The following MYH4 variants were observed in gnomAD, a reference collection of about 807,000 sequenced individuals.
The protein encoded by MYH4 is myosin-4.
A neutral mutation model predicts 229.9 loss-of-function variants in MYH4; 200 were observed. That is an observed-to-expected ratio of 0.87 (90% CI 0.78 to 0.98). The LOEUF (loss-of-function observed/expected upper bound fraction) is 0.98. MYH4 is among the 50% of genes least tolerant of loss of function. MYH4 has a pLI of 0.00. For missense variants in MYH4, 2,148 were observed against 2,332.6 expected (o/e 0.92, Z 1.63); for synonymous variants, 761 against 834.6 (o/e 0.91, Z 1.52).
chr17:10,456,384 T>C (rs949928263), intron 17 of MYH4, 101 bp downstream of exon 17: 10 of 966,586 alleles, frequency 1.0e-5, no homozygotes, highest in Non-Finnish European at 1.6e-5. Context: ...ACTGTACTAC[T>C]TTATTCACTT....
chr17:10,466,159 A>G, intron 4 of MYH4, 114 bp downstream of exon 4: 1 of 1,217,118 alleles, frequency 8.2e-7, no homozygotes, highest in South Asian at 1.5e-5. Flanking sequence ...TAACCAAACA[A>G]TTGGTCATAA....
chr17:10,452,670 G>T lies in MYH4; in HGVS notation c.3257+117C>A, dbSNP rs1597417916. 7 of 1,330,438 alleles carry T rather than the reference G, an allele frequency of 5.3e-6. No individual in the cohort carries two copies. In the East Asian group the frequency reaches 1.2e-4, roughly 22 times the overall value. The allele number at this position is 1,330,438 out of a possible 1,614,324, so 82.4% of individuals were successfully genotyped here. A position where few individuals can be genotyped will look rare whatever the true frequency, so the allele number is the denominator to read the frequency against. On this transcript the variant is annotated intron_variant, in intron 25 of 39. Coordinates refer to ENST00000255381, the MANE Select transcript of MYH4 (RefSeq NM_017533.2). ...AGTTTAATTAAATAAAAAGGTCAAAGATGTCATTATTTTTTTCCATATGTC... is the reference window on the plus strand; with the variant it reads ...AGTTTAATTAAATAAAAAGGTCAAATATGTCATTATTTTTTTCCATATGTC...
intron 11 of MYH4, among the ~76,000 whole-genome samples, chr17:10,462,201 T>C (rs2072710612): frequency 6.6e-6 from 1 of 152,166 alleles, no homozygotes; most frequent in Admixed American, 6.5e-5. Flanking sequence ...TAAGGAAGAT[T>C]ATTCAGAAAT....
At chr17:10,457,772 A>C in intron 15 of MYH4, 43 bp from the exon 16 acceptor site, 1 of 1,577,572 alleles carries the variant, frequency 6.3e-7, no homozygotes, top group Non-Finnish European at 8.6e-7. Context: ...AGTCCCTCAG[A>C]AAGTTATGCT....
chr17:10,465,327 T>G, intron 5 of MYH4, 115 bp downstream of exon 5: 2 of 1,303,258 alleles, frequency 1.5e-6, no homozygotes, highest in Admixed American at 4.3e-5. Context: ...TTTTATTATT[T>G]CTGTTATCAT....
At chr17:10,463,308 A>T in intron 9 of MYH4, 30 bp downstream of exon 9, 1 of 1,580,632 alleles carries the variant, frequency 6.3e-7, no homozygotes, top group Non-Finnish European at 8.6e-7. Context: ...AAAGAAAAAG[A>T]TTCTCAATCA....
intron 14 of MYH4, 117 bp from the exon 15 acceptor site, chr17:10,459,538 A>G: frequency 6.6e-7 from 1 of 1,526,366 alleles, no homozygotes; most frequent in South Asian, 1.2e-5. Flanking sequence ...ATAAACCTTC[A>G]GATTGTTTTC....
chr17:10,467,205 A>G (rs1259348520), intron 2 of MYH4, among the ~76,000 whole-genome samples: 1 of 152,236 alleles, frequency 6.6e-6, no homozygotes, highest in Non-Finnish European at 1.5e-5. Context: ...TTTACAATAT[A>G]AATGAACCTG....
Position 10,459,304 on chromosome 17 carries a change from C to T in MYH4, c.1534G>A (p.Glu512Lys), listed in dbSNP as rs765846094. ...EEYKKEGIEW[E>K]FIDFGMDLAA... ...AGGTCCATCCCGAAGTCAATGAACTCCCACTCGATGCCTTCCTTCTTGTAC... is the reference window on the plus strand; with the variant it reads ...AGGTCCATCCCGAAGTCAATGAACTTCCACTCGATGCCTTCCTTCTTGTAC... The change falls in exon 15 of 40, where the codon GAG (glutamate) becomes AAG (lysine). Residue 512 changes from glutamate (E) to lysine (K), a missense_variant. Glu to Lys is a moderately conservative substitution (Grantham distance 56, BLOSUM62 1). Coordinates refer to ENST00000255381, the MANE Select transcript of MYH4 (RefSeq NM_017533.2). The T allele has an allele frequency of 1.9e-6, 3 of 1,613,824 alleles. No individual in the cohort carries two copies. The highest frequency in any genetic ancestry group is 2.2e-5 in the South Asian group (2 of 90,828).
Position 10,454,027 on chromosome 17 carries a change from A to C in MYH4, c.2692-142T>G, listed in dbSNP as rs2072609191. 2.6e-6 allele frequency: 3 copies of C among 1,141,172 alleles called. No homozygotes were observed. In the South Asian group the frequency reaches 4.6e-5, roughly 18 times the overall value. 70.7% of individuals were successfully genotyped at this position (1,141,172 alleles called of 1,614,324 possible). ...GCTAACTTTTAAAATGAAACAGACAAAATGTTAATACTGTTATCTACTGAT... is the reference window on the plus strand; with the variant it reads ...GCTAACTTTTAAAATGAAACAGACACAATGTTAATACTGTTATCTACTGAT... On this transcript the variant is annotated intron_variant, in intron 22 of 39. Coordinates refer to ENST00000255381, the MANE Select transcript of MYH4 (RefSeq NM_017533.2).
At chr17:10,458,886 T>G (rs575155832) in intron 15 of MYH4, among the ~76,000 whole-genome samples, 13 of 152,136 alleles carry the variant, frequency 8.5e-5, no homozygotes, top group South Asian at 8.3e-4. Context: ...ACATGAGGGA[T>G]GATGATAAAT....
At chr17:10,449,094 C>T in intron 30 of MYH4, 47 bp from the exon 31 acceptor site, 1 of 1,531,652 alleles carries the variant, frequency 6.5e-7, no homozygotes, top group Non-Finnish European at 9.0e-7. Context: ...CTCAGAGTCA[C>T]CACAGTGCCC....
chr17:10,444,725 C>T, intron 38 of MYH4, 26 bp from the exon 39 acceptor site: 2 of 1,612,050 alleles, frequency 1.2e-6, no homozygotes, highest in East Asian at 2.2e-5. Context: ...GTAGATGGTG[C>T]CATTATTTTA....
Position 10,466,727 on chromosome 17 carries a change from T to C in MYH4, c.19A>G (p.Met7Val). 6.2e-7 allele frequency: 1 copy of C among 1,614,176 alleles called. No individual in the cohort carries two copies. Among genetic ancestry groups the C allele is most frequent in the Non-Finnish European group, 8.5e-7 (1 of 1,180,034 alleles). Residue 7 changes from methionine (M) to valine (V), a missense_variant, in exon 3 of 40, where the codon ATG (methionine) becomes GTG (valine). Physicochemically the swap from Met to Val is conservative, Grantham distance 21 (BLOSUM62 1). Transcript: ENST00000255381. ...GGAGCAGCCTCCCCAAAAATGGCCA[T>C]CTCAGAGTCAGAACTCATGGCTGCA... MSSDSE[M>V]AIFGEAAPFL...
intron 28 of MYH4, 118 bp downstream of exon 28, chr17:10,451,208 A>G: frequency 7.8e-7 from 1 of 1,284,680 alleles, no homozygotes; most frequent in East Asian, 2.3e-5. Context: ...TGGAGGAATA[A>G]GTAAGACATG....
rs149736701 is a variant in MYH4 at position 10,459,988 on chromosome 17, G to T, written c.1380C>A (p.Ile460=). The T allele has an allele frequency of 6.2e-7, 1 of 1,613,906 alleles. No homozygotes were observed. The highest frequency in any genetic ancestry group is 1.3e-5 in the African/African-American group (1 of 74,894). Residue 460 remains isoleucine, a synonymous_variant, in exon 14 of 40, where the codon ATC becomes ATA. Transcript: ENST00000255381. ...CAAAGCCAGCAATGTCCAAGACCCC[G>T]ATGAAGTACTGCCTGGGCTGCTTGG... ...LDTKQPRQYF[I]GVLDIAGFEI...
intron 23 of MYH4, 73 bp from the exon 24 acceptor site, chr17:10,453,401 A>G (rs771228174): frequency 6.2e-7 from 1 of 1,606,482 alleles, no homozygotes; most frequent in Admixed American, 1.7e-5. Flanking sequence ...ATGCTGTAGT[A>G]TCTTAGGATA....
rs368576472 is a variant in MYH4, at chr17:10,457,552, C to T, written c.1765G>A (p.Val589Met). ...AGCCAGCCGGCGATGTTGTAGTCCA[C>T]GGTGCCGGCATAGTGCACCAGTGAG... ...HFSLVHYAGTVDYNIAGWLDK... is the reference protein window; with the variant it reads ...HFSLVHYAGTMDYNIAGWLDK... The change falls in exon 16 of 40, where the codon GTG becomes ATG. Residue 589 changes from valine to methionine, a missense_variant. Val to Met is a conservative substitution (Grantham distance 21, BLOSUM62 1). Coordinates refer to ENST00000255381, the MANE Select transcript of MYH4 (RefSeq NM_017533.2). 7.0e-5 allele frequency: 113 copies of T among 1,614,084 alleles called. No individual in the cohort carries two copies. The highest frequency in any genetic ancestry group is 8.6e-5 in the Non-Finnish European group (101 of 1,180,034).
Position 10,443,620 on chromosome 17 carries a change from G to T in MYH4, c.5668-93C>A. On this transcript the variant is annotated intron_variant, in intron 39 of 39. Coordinates refer to ENST00000255381, the MANE Select transcript of MYH4 (RefSeq NM_017533.2). The surrounding 1 kb of genome is among the most constrained non-coding windows in gnomAD (Gnocchi z 4.6). ...ACTTCAGGATTTGCCTCATGAATGA[G>T]AAAGAAAAAGGCTCCGTTGTCCAGG... The T allele has an allele frequency of 7.3e-7, 1 of 1,374,548 alleles. No homozygotes were observed. Among genetic ancestry groups the T allele is most frequent in the Non-Finnish European group, 1.0e-6 (1 of 1,003,688 alleles). 85.1% of individuals were successfully genotyped at this position (1,374,548 alleles called of 1,614,324 possible).
Sources: gnomAD v4.1 joint callset for allele counts (sites outside exome capture counted in the v4.1 genomes callset) on GRCh38, gnomAD v4.1.1 for gene constraint, Gnocchi (gnomAD v3.1) non-coding constraint, MANE v1.5 for transcripts, NCBI Gene and HGNC (gene_info 2026-07-23, HGNC 2026-07-21) for gene names.